Variants in TMEM178B observed in about 807,000 individuals in gnomAD.
TMEM178B encodes the protein transmembrane protein 178B.
A neutral mutation model predicts 31.0 loss-of-function variants in TMEM178B; 5 were observed. The ratio of observed to expected loss-of-function variants is 0.16; its 90% confidence interval spans 0.08 to 0.34. TMEM178B has a LOEUF of 0.34. Ranked by LOEUF, TMEM178B falls within the 10% of genes least tolerant of loss-of-function variation. TMEM178B has a pLI of 1.00. For synonymous variants in TMEM178B, 164 were observed against 164.0 expected (o/e 1.00, Z 0.00); for missense variants, 275 against 400.3 (o/e 0.69, Z 2.67).
chr7:141,163,496 T>G (rs2129181926), intron 1 of TMEM178B, among the ~76,000 whole-genome samples: 1 of 152,208 alleles, frequency 6.6e-6, no homozygotes, highest in East Asian at 1.9e-4. Context: ...TGGTATTCTC[T>G]ATTTAGCAAA....
intron 1 of TMEM178B, among the ~76,000 whole-genome samples, chr7:141,125,536 C>T (rs1795477331): frequency 6.6e-6 from 1 of 151,900 alleles, no homozygotes; most frequent in Admixed American, 6.6e-5. Context: ...CAAAAATCAG[C>T]CGGGTGTGGT....
At chr7:141,322,995 C>G (rs78249627) in intron 2 of TMEM178B, among the ~76,000 whole-genome samples, 1,998 of 152,118 alleles carry the variant, frequency 0.013, 53 homozygotes, top group East Asian at 0.087. Context: ...CCTTATGTGC[C>G]CTTTTGTTGT....
intron 3 of TMEM178B, among the ~76,000 whole-genome samples, chr7:141,447,071 T>C (rs995274856): frequency 6.6e-6 from 1 of 152,152 alleles, no homozygotes; most frequent in Non-Finnish European, 1.5e-5. Context: ...TTGCCTATTA[T>C]GTGCCAGACA....
intron 2 of TMEM178B, among the ~76,000 whole-genome samples, chr7:141,283,233 C>T (rs1262904211): frequency 6.6e-6 from 1 of 152,228 alleles, no homozygotes. Context: ...ATGCCTCTAA[C>T]GTGCTCTCTG....
intron 2 of TMEM178B, among the ~76,000 whole-genome samples, chr7:141,258,655 T>C (rs1797967716): frequency 6.6e-6 from 1 of 152,224 alleles, no homozygotes; most frequent in Non-Finnish European, 1.5e-5. Context: ...CGATGAAATC[T>C]CTCCATATTT....
the TMEM178B span, among the ~76,000 whole-genome samples, chr7:141,508,911 T>C: frequency 1.3e-5 from 2 of 152,258 alleles, no homozygotes; most frequent in Non-Finnish European, 2.9e-5. Flanking sequence ...AGCATATGGA[T>C]GACTCCTTCC....
intron 1 of TMEM178B, among the ~76,000 whole-genome samples, chr7:141,107,531 G>A (rs1795166708): frequency 6.6e-6 from 1 of 152,160 alleles, no homozygotes; most frequent in African/African-American, 2.4e-5. Context: ...TGAGTATGTA[G>A]AGGGGATATG....
At chr7:141,408,462 G>T (rs752915284) in intron 2 of TMEM178B, among the ~76,000 whole-genome samples, 2 of 152,200 alleles carry the variant, frequency 1.3e-5, no homozygotes, top group East Asian at 3.9e-4. Context: ...TCTGGAGTGG[G>T]CCTAAGAATT....
chr7:141,183,305 C>G (rs1400263734), intron 1 of TMEM178B, among the ~76,000 whole-genome samples: 1 of 152,162 alleles, frequency 6.6e-6, no homozygotes, highest in Non-Finnish European at 1.5e-5. Flanking sequence ...TAGAATGTTC[C>G]CTCTCAAATT....
In TMEM178B at chr7:141,186,515, T is replaced by C. The variant is rs1038494579; in HGVS notation, c.383-26076T>C. Among the ~76,000 whole-genome samples, 26 of 152,188 alleles carry C rather than the reference T, an allele frequency of 1.7e-4. 1 individual carries two copies. Among genetic ancestry groups the C allele is most frequent in the Admixed American group, 1.3e-4 (2 of 15,278 alleles). On this transcript the variant is annotated intron_variant, in intron 1 of 3. Transcript: ENST00000565468. ...CCCTCCTGCCTTAACCTACATTTTA[T>C]TTATTTCATTTTATTGATGTTGTTT...
chr7:141,391,327 G>A (rs1330970467), intron 2 of TMEM178B, among the ~76,000 whole-genome samples: 1 of 151,972 alleles, frequency 6.6e-6, no homozygotes, highest in South Asian at 2.1e-4. Flanking sequence ...CACCACGCCC[G>A]GCTGATTTTT....
intron 2 of TMEM178B, among the ~76,000 whole-genome samples, chr7:141,235,687 G>A (rs866605296): frequency 3.9e-5 from 6 of 152,310 alleles, no homozygotes; most frequent in Middle Eastern, 3.4e-3. Flanking sequence ...ATCCTCTGTG[G>A]ATAATTCCAA....
chr7:141,216,448 TGC>T (rs143135337), intron 2 of TMEM178B, among the ~76,000 whole-genome samples: 2,248 of 135,818 alleles, frequency 0.017, 134 homozygotes, highest in Admixed American at 0.021. Context: ...TGTGTGTGTG[TGC>T]GCGCGCGCGC....
At chr7:141,127,793 G>A (rs17161932) in intron 1 of TMEM178B, among the ~76,000 whole-genome samples, 22,215 of 152,132 alleles carry the variant, frequency 0.15, 1,686 homozygotes, top group South Asian at 0.21. Flanking sequence ...AGCCCTTTTA[G>A]CTTCCCTGAG....
chr7:141,186,537 G>T (rs995391558), intron 1 of TMEM178B, among the ~76,000 whole-genome samples: 1 of 152,084 alleles, frequency 6.6e-6, no homozygotes, highest in African/African-American at 2.4e-5. Flanking sequence ...TATTGATGTT[G>T]TTTGTTTTCC....
chr7:141,177,208 A>G (rs1796448556), intron 1 of TMEM178B, among the ~76,000 whole-genome samples: 1 of 152,108 alleles, frequency 6.6e-6, no homozygotes, highest in African/African-American at 2.4e-5. Flanking sequence ...TTTACCCAGG[A>G]GTTATTCAGG....
chr7:141,360,280 G>C (rs1799895397), intron 2 of TMEM178B, among the ~76,000 whole-genome samples: 3 of 152,188 alleles, frequency 2.0e-5, no homozygotes, highest in African/African-American at 7.2e-5. Context: ...CTGCAGCCTT[G>C]GGGAATGAGT....
chr7:141,353,268 A>T (rs1799765629), intron 2 of TMEM178B, among the ~76,000 whole-genome samples: 1 of 152,188 alleles, frequency 6.6e-6, no homozygotes, highest in African/African-American at 2.4e-5. Context: ...CATAGTAAGA[A>T]TGCCCTCATG....
At chr7:141,299,030 G>C (rs74338643) in intron 2 of TMEM178B, among the ~76,000 whole-genome samples, 1 of 152,058 alleles carries the variant, frequency 6.6e-6, no homozygotes, top group Non-Finnish European at 1.5e-5. Flanking sequence ...TTCTGGGAGG[G>C]GTGGGTGAGA....
Sources: allele counts gnomAD v4.1 joint callset (sites outside exome capture counted in the v4.1 genomes callset), GRCh38; gene constraint gnomAD v4.1.1; transcripts MANE v1.5; gene names NCBI Gene and HGNC (gene_info 2026-07-23, HGNC 2026-07-21).